Variants in SLC4A10 observed in about 807,000 individuals in gnomAD.
SLC4A10 encodes sodium-driven chloride bicarbonate exchanger.
A neutral mutation model predicts 137.7 loss-of-function variants in SLC4A10; 42 were observed. The ratio of observed to expected loss-of-function variants is 0.30; its 90% CI spans 0.24 to 0.39. The LOEUF (loss-of-function observed/expected upper bound fraction) is 0.39. Ranked by LOEUF, SLC4A10 falls within the 10% of genes least tolerant of loss-of-function variation. SLC4A10 has a pLI of 1.00. For missense variants in SLC4A10, 925 were observed against 1,355.0 expected, an observed-to-expected ratio of 0.68 and a Z score of 4.98; for synonymous variants, 474 against 464.1, an observed-to-expected ratio of 1.02 and a Z score of -0.27.
At chr2:161,909,701 C>CT (rs59666489) in intron 15 of SLC4A10, among the ~76,000 whole-genome samples, 2 of 152,022 alleles carry the variant, frequency 1.3e-5, no homozygotes, top group East Asian at 1.9e-4. Flanking sequence ...CAAAATCAAT[C>CT]TTTTTTTTGC....
intron 3 of SLC4A10, among the ~76,000 whole-genome samples, chr2:161,807,861 T>C (rs1479741521): frequency 2.0e-5 from 3 of 152,154 alleles, no homozygotes; most frequent in Non-Finnish European, 4.4e-5. Context: ...ATTTACATTT[T>C]GTTCACATTC....
intron 1 of SLC4A10, among the ~76,000 whole-genome samples, chr2:161,700,235 G>GCTA (rs2042982749): frequency 6.6e-6 from 1 of 152,162 alleles, no homozygotes; most frequent in Non-Finnish European, 1.5e-5. Context: ...GAAACCTATA[G>GCTA]AGAGTTTTTG....
intron 23 of SLC4A10, among the ~76,000 whole-genome samples, chr2:161,970,129 A>G (rs1198360354): frequency 1.3e-5 from 2 of 152,210 alleles, no homozygotes; most frequent in Non-Finnish European, 2.9e-5. Flanking sequence ...GTCCTTTCCT[A>G]AAACCACAGA....
At chr2:161,951,219 A>G (rs535397391) in intron 19 of SLC4A10, among the ~76,000 whole-genome samples, 3 of 152,300 alleles carry the variant, frequency 2.0e-5, no homozygotes, top group East Asian at 1.9e-4. Flanking sequence ...CCCTAAATGT[A>G]TCTATTACAT....
chr2:161,644,302 G>A (rs987787333), intron 1 of SLC4A10, among the ~76,000 whole-genome samples: 1 of 151,936 alleles, frequency 6.6e-6, no homozygotes, highest in Non-Finnish European at 1.5e-5. Context: ...CTCAATACTA[G>A]CCTGGCAACA....
intron 1 of SLC4A10, among the ~76,000 whole-genome samples, chr2:161,710,936 T>C (rs955085997): frequency 7.2e-5 from 11 of 151,848 alleles, no homozygotes; most frequent in African/African-American, 2.7e-4. Context: ...TGAATTGATT[T>C]TTGATAGGCA....
intron 2 of SLC4A10, among the ~76,000 whole-genome samples, chr2:161,797,674 T>C (rs560266708): frequency 1.3e-5 from 2 of 152,226 alleles, no homozygotes; most frequent in African/African-American, 4.8e-5. Flanking sequence ...TAGGTTTCAT[T>C]CACTTATTCA....
rs563533518 is a variant in SLC4A10, at chr2:161,815,974, T to C, written c.277+11379T>C. On this transcript the variant is annotated intron_variant, in intron 3 of 26. Coordinates refer to ENST00000446997, the MANE Select transcript of SLC4A10 (RefSeq NM_001178015.2). Reference sequence around the variant, plus strand: ...GACAAATGTTTGGCACTTGGTGGTTTCTAAGCAATGGAATTTTCTAGATTT... The same window carrying C: ...GACAAATGTTTGGCACTTGGTGGTTCCTAAGCAATGGAATTTTCTAGATTT... 4.6e-5 allele frequency among the ~76,000 whole-genome samples: 7 copies of C among 152,294 alleles called. No homozygotes were observed. In the East Asian group the frequency reaches 1.4e-3, roughly 29 times the overall value.
intron 1 of SLC4A10, among the ~76,000 whole-genome samples, chr2:161,722,596 C>T (rs2045801039): frequency 6.6e-6 from 1 of 152,202 alleles, no homozygotes; most frequent in Non-Finnish European, 1.5e-5. Flanking sequence ...GGCCAGAATG[C>T]TCCTGTACAA....
intron 4 of SLC4A10, among the ~76,000 whole-genome samples, chr2:161,850,274 C>T (rs919313916): frequency 3.3e-5 from 5 of 152,090 alleles, no homozygotes; most frequent in Non-Finnish European, 7.4e-5. Flanking sequence ...CACCTGTAGT[C>T]CCAGCTACTT....
chr2:161,703,526 T>C (rs1036109751), intron 1 of SLC4A10, among the ~76,000 whole-genome samples: 3 of 151,652 alleles, frequency 2.0e-5, no homozygotes, highest in Admixed American at 6.6e-5. Context: ...TTTTTGATCT[T>C]TATGTTTTCT....
At chr2:161,933,387 T>C (rs1313734765) in intron 15 of SLC4A10, among the ~76,000 whole-genome samples, 1 of 151,116 alleles carries the variant, frequency 6.6e-6, no homozygotes, top group Non-Finnish European at 1.5e-5. Context: ...TGTTTCTCCC[T>C]TCCCTTCCCT....
chr2:161,753,561 G>T (rs1173080172), intron 1 of SLC4A10, among the ~76,000 whole-genome samples: 1 of 152,088 alleles, frequency 6.6e-6, no homozygotes, highest in Non-Finnish European at 1.5e-5. Context: ...AAGTGGAGAC[G>T]ATATCCTATG....
chr2:161,950,098 G>A (rs1043221865), intron 18 of SLC4A10, among the ~76,000 whole-genome samples: 1 of 151,886 alleles, frequency 6.6e-6, no homozygotes, highest in Admixed American at 6.6e-5. Context: ...CCTCTGCTGT[G>A]ACCAAGTATC....
chr2:161,917,736 T>A (rs1687384379), intron 15 of SLC4A10, among the ~76,000 whole-genome samples: 1 of 152,344 alleles, frequency 6.6e-6, no homozygotes, highest in Non-Finnish European at 1.5e-5. Flanking sequence ...TATTTTTATT[T>A]ATCAATCTAA....
chr2:161,832,280 C>G (rs2058481475), intron 3 of SLC4A10, among the ~76,000 whole-genome samples: 1 of 152,196 alleles, frequency 6.6e-6, no homozygotes, highest in Non-Finnish European at 1.5e-5. Context: ...TCTTTTGTCT[C>G]TGACTCAAGA....
At chr2:161,900,886 C>T in intron 11 of SLC4A10, 25 bp from the exon 12 acceptor site, 1 of 1,452,094 alleles carries the variant, frequency 6.9e-7, no homozygotes, top group South Asian at 1.3e-5. Flanking sequence ...CAAAACAAAA[C>T]ACATGAACAA....
intron 1 of SLC4A10, chr2:161,708,798 C>G (rs768699284): frequency 1.9e-5 from 29 of 1,532,414 alleles, no homozygotes; most frequent in Non-Finnish European, 2.4e-5. Flanking sequence ...CAGTCTGGAA[C>G]CTGTGAGCCT....
chr2:161,789,672 C>T (rs1045000195), intron 2 of SLC4A10, among the ~76,000 whole-genome samples: 11 of 152,146 alleles, frequency 7.2e-5, no homozygotes, highest in African/African-American at 2.7e-4. Flanking sequence ...TTGACTGAAA[C>T]ATCATTATGT....
Sources: gnomAD v4.1 joint callset for allele counts (sites outside exome capture counted in the v4.1 genomes callset) on GRCh38, gnomAD v4.1.1 for gene constraint, MANE v1.5 for transcripts, NCBI Gene and HGNC (gene_info 2026-07-23, HGNC 2026-07-21) for gene names.